The following LRP1 variants were observed in gnomAD, a reference collection of about 807,000 sequenced individuals.
The protein encoded by LRP1 is LDL receptor related protein 1, also known as prolow-density lipoprotein receptor-related protein 1.
Under a neutral mutation model 541.5 loss-of-function variants are expected in LRP1, and 51 were observed. That is an observed-to-expected ratio of 0.09 (90% confidence interval 0.08 to 0.12). The LOEUF is 0.12. LRP1 is among the 10% of genes least tolerant of loss of function. The pLI, the probability that LRP1 is intolerant of heterozygous loss-of-function variation, is 1.00. For missense variants in LRP1, 3,878 were observed against 6,376.2 expected, an observed-to-expected ratio of 0.61 and a Z score of 13.34; for synonymous variants, 2,219 against 2,470.8, an observed-to-expected ratio of 0.90 and a Z score of 3.02.
At chr12:57,174,587 C>G (rs2036006952) in intron 22 of LRP1, among the ~76,000 whole-genome samples, 1 of 152,138 alleles carries the variant, frequency 6.6e-6, no homozygotes, top group Non-Finnish European at 1.5e-5. Context: ...TCAGCCTGGC[C>G]AACATGGTGA....
chr12:57,149,669 TG>T, intron 6 of LRP1: 1 of 730,510 alleles, frequency 1.4e-6, no homozygotes, highest in Non-Finnish European at 2.5e-6. Context: ...AACCACAGGC[TG>T]GAATCACAGG....
chr12:57,173,635 T>C lies in LRP1; in HGVS notation c.3347-145T>C. The stretch of plus-strand genomic sequence containing the variant: ...TGCCTTGTTTGTTGCCTATGTGAAT[T>C]TGACCCAAAAAGCCTCGGGGTTCCT... On this transcript the variant is annotated intron_variant, in intron 21 of 88. Transcript: ENST00000243077. The surrounding 1 kb of genome is among the most constrained non-coding windows in gnomAD (Gnocchi z 4.7). The C allele has an allele frequency of 1.2e-6, 1 of 823,084 alleles. No homozygotes were observed. Among genetic ancestry groups the C allele is most frequent in the Non-Finnish European group, 1.9e-6 (1 of 516,144 alleles). The allele number at this position is 823,084 out of a possible 1,614,324, so 51.0% of individuals were successfully genotyped here. A position where few individuals can be genotyped will look rare whatever the true frequency, so the allele number is the denominator to read the frequency against.
rs555311696 is a variant in LRP1 at position 57,202,297 on chromosome 12, G to T, written c.10595-124G>T. 6 of 778,500 alleles carry T rather than the reference G, an allele frequency of 7.7e-6. No individual in the cohort carries two copies. The Middle Eastern group carries it at 1.4e-3, about 179-fold the overall frequency. The allele number at this position is 778,500 out of a possible 1,614,324, so 48.2% of individuals were successfully genotyped here. Reference sequence around the variant, plus strand: ...TCTCAAAACACCGCCTGGGCTCCCCGCGGCTGACCCTTCCCAAGCTGGGAT... The same window carrying T: ...TCTCAAAACACCGCCTGGGCTCCCCTCGGCTGACCCTTCCCAAGCTGGGAT... On this transcript the variant is annotated intron_variant, in intron 67 of 88. Coordinates refer to ENST00000243077, the MANE Select transcript of LRP1 (RefSeq NM_002332.3).
chr12:57,184,928 C>T lies in LRP1; in HGVS notation c.6276C>T (p.Ser2092=), dbSNP rs774945245. The T allele has an allele frequency of 6.2e-7, 1 of 1,614,162 alleles. No individual in the cohort carries two copies. The highest frequency in any genetic ancestry group is 1.1e-5 in the South Asian group (1 of 91,084). The change falls in exon 39 of 89, where the codon TCC becomes TCT. Residue 2092 remains serine (S), a synonymous_variant. Transcript: ENST00000243077. This position sits in a 1 kb window ranked among gnomAD's most constrained non-coding sequence, Gnocchi z 7.8. ...GTGAGAACCGCGAGGTGGTTCTGTCCAGCAACAACATGGACATGTTTTCAG... is the reference window on the plus strand; with the variant it reads ...GTGAGAACCGCGAGGTGGTTCTGTCTAGCAACAACATGGACATGTTTTCAG... ...ETGENREVVL[S]SNNMDMFSVS... is the part of the protein sequence containing the mutation.
chr12:57,145,617 C>A, intron 6 of LRP1, 127 bp downstream of exon 6: 1 of 1,241,982 alleles, frequency 8.1e-7, no homozygotes, highest in Non-Finnish European at 1.1e-6. Context: ...AAGCAGGAGG[C>A]TGGATACAAT....
intron 4 of LRP1, 115 bp from the exon 5 acceptor site, chr12:57,144,857 G>A (rs548927777): frequency 2.4e-5 from 25 of 1,059,088 alleles, no homozygotes; most frequent in South Asian, 5.4e-5. Context: ...AGATTCTGCC[G>A]AACTGTCCTT....
At chr12:57,208,364 C>A (rs1039306326) in intron 77 of LRP1, 148 bp downstream of exon 77, 3 of 859,306 alleles carry the variant, frequency 3.5e-6, no homozygotes, top group Non-Finnish European at 5.3e-6. Flanking sequence ...TTCTCGGCCA[C>A]CCCTGCCTGG....
chr12:57,144,254 T>C (rs1399715076), intron 4 of LRP1, among the ~76,000 whole-genome samples: 1 of 152,190 alleles, frequency 6.6e-6, no homozygotes, highest in East Asian at 1.9e-4. Context: ...AATAGTATAC[T>C]GTGTATATTA....
At position 57,206,486 on chromosome 12, in the gene LRP1, G is replaced by A; in HGVS notation, c.11604G>A (p.Gln3868=). Residue 3868 remains glutamine, a synonymous_variant, in exon 76 of 89, where the codon CAG becomes CAA. Transcript: ENST00000243077. This position sits in a 1 kb window ranked among gnomAD's most constrained non-coding sequence, Gnocchi z 4.7. ...NTCKAEGSEY[Q]VLYIADDNEI... is the part of the protein sequence containing the mutation. ...TTGCTTCTCCAGGCTCTGAGTACCA[G>A]GTCCTGTACATCGCTGATGACAATG... 1 of 1,614,070 alleles carries A rather than the reference G, an allele frequency of 6.2e-7. No individual in the cohort carries two copies. The highest frequency in any genetic ancestry group is 8.5e-7 in the Non-Finnish European group (1 of 1,180,036).
chr12:57,157,262 T>C (rs1019332562), intron 10 of LRP1, among the ~76,000 whole-genome samples: 2 of 152,136 alleles, frequency 1.3e-5, no homozygotes, highest in East Asian at 1.9e-4. Flanking sequence ...TATAGTCTAG[T>C]TGGGGAAACA....
chr12:57,206,707 G>A lies in LRP1; in HGVS notation c.11825G>A (p.Arg3942Gln), dbSNP rs374055263. ...AAPPTTSNRH[R>Q]RQIDRGVTHL... ...CCTCCTACCACTTCCAACCGCCACC[G>A]GCGACAGATTGACCGGGGTGTCACC... Residue 3942 changes from arginine to glutamine, a missense_variant, in exon 76 of 89, where the codon CGG (arginine) becomes CAG (glutamine). Around this residue, in one of 13 missense-constraint regions of LRP1, gnomAD observed 871 missense variants for 1,212.4 expected, o/e 0.72. Coordinates refer to ENST00000243077, the MANE Select transcript of LRP1 (RefSeq NM_002332.3). The surrounding 1 kb of genome is among the most constrained non-coding windows in gnomAD (Gnocchi z 4.7). 14 of 1,613,324 alleles carry A rather than the reference G, an allele frequency of 8.7e-6. No homozygotes were observed. The highest frequency in any genetic ancestry group is 1.3e-5 in the African/African-American group (1 of 75,058).
At position 57,158,688 on chromosome 12, in the gene LRP1, C is replaced by T; in HGVS notation, c.1798+50C>T. On this transcript the variant is annotated intron_variant, in intron 11 of 88. Coordinates refer to ENST00000243077, the MANE Select transcript of LRP1 (RefSeq NM_002332.3). The surrounding 1 kb of genome is among the most constrained non-coding windows in gnomAD (Gnocchi z 5.3). Reference sequence around the variant, plus strand: ...CATGGGGATGGAAGGGGGCTGGGGCCCAGGCATCTGTTTCTCGGTGCCCTC... The same window carrying T: ...CATGGGGATGGAAGGGGGCTGGGGCTCAGGCATCTGTTTCTCGGTGCCCTC... 6.5e-7 allele frequency: 1 copy of T among 1,547,666 alleles called. No individual in the cohort carries two copies. Among genetic ancestry groups the T allele is most frequent in the Non-Finnish European group, 8.9e-7 (1 of 1,123,028 alleles).
intron 6 of LRP1, chr12:57,149,880 C>T: frequency 1.5e-6 from 1 of 646,934 alleles, no homozygotes; most frequent in Non-Finnish European, 2.8e-6. Context: ...CGCCATCTCT[C>T]CCAGGCCCAG....
At chr12:57,196,622 G>A (rs2036538781) in intron 55 of LRP1, among the ~76,000 whole-genome samples, 1 of 152,150 alleles carries the variant, frequency 6.6e-6, no homozygotes, top group Non-Finnish European at 1.5e-5. Flanking sequence ...GATTCCCAAG[G>A]GAGCAGTGTA....
Position 57,183,581 on chromosome 12 carries a change from G to A in LRP1, c.5794+71G>A. 1.3e-6 allele frequency: 2 copies of A among 1,549,780 alleles called. No homozygotes were observed. The highest frequency in any genetic ancestry group is 2.3e-5 in the East Asian group (1 of 42,658). ...TTAGGGGTGGTGTGGTGTGCCCTGAGGGTCCAGTGAGAGGCTGCCTGAATT... is the reference window on the plus strand; with the variant it reads ...TTAGGGGTGGTGTGGTGTGCCCTGAAGGTCCAGTGAGAGGCTGCCTGAATT... On this transcript the variant is annotated intron_variant, in intron 35 of 88. Coordinates refer to ENST00000243077, the MANE Select transcript of LRP1 (RefSeq NM_002332.3). This position sits in a 1 kb window ranked among gnomAD's most constrained non-coding sequence, Gnocchi z 6.1.
rs1480946709 is a variant in LRP1 at position 57,154,264 on chromosome 12, A to G, written c.898A>G (p.Ile300Val). 5 of 1,614,124 alleles carry G rather than the reference A, an allele frequency of 3.1e-6. No individual in the cohort carries two copies. The highest frequency in any genetic ancestry group is 3.4e-6 in the Non-Finnish European group (4 of 1,180,050). The stretch of plus-strand genomic sequence containing the variant: ...AGGCAACTTCTACTTTGTGGATGAC[A>G]TCGATGATAGGATCTTTGTCTGCAA... Reference protein sequence around the residue: ...LTGNFYFVDDIDDRIFVCNRN... With the variant: ...LTGNFYFVDDVDDRIFVCNRN... The change falls in exon 7 of 89, where the codon ATC becomes GTC. Residue 300 changes from isoleucine to valine, a missense_variant. Physicochemically the swap from Ile to Val is conservative, Grantham distance 29. Around this residue, in one of 13 missense-constraint regions of LRP1, gnomAD observed 293 missense variants for 403.7 expected, o/e 0.73. Coordinates refer to ENST00000243077, the MANE Select transcript of LRP1 (RefSeq NM_002332.3). The surrounding 1 kb of genome is among the most constrained non-coding windows in gnomAD (Gnocchi z 4.6).
chr12:57,177,570 G>A lies in LRP1; in HGVS notation c.4340G>A (p.Arg1447His), dbSNP rs766956828. 1 of 1,613,836 alleles carries A rather than the reference G, an allele frequency of 6.2e-7. No homozygotes were observed. ...NGLTVDYLEKRILWIDARSDA... is the reference protein window; with the variant it reads ...NGLTVDYLEKHILWIDARSDA... ...CTCACCGTGGACTACCTGGAGAAGC[G>A]CATCCTTTGGATTGACGCCAGGTCA... Residue 1447 changes from arginine (R) to histidine (H), a missense_variant, in exon 26 of 89, where the codon CGC (arginine) becomes CAC (histidine). Arg to His is a conservative substitution (Grantham distance 29). Around this residue, in one of 13 missense-constraint regions of LRP1, gnomAD observed 54 missense variants for 167.7 expected, o/e 0.32. Transcript: ENST00000243077. The surrounding 1 kb of genome is among the most constrained non-coding windows in gnomAD (Gnocchi z 6.8).
rs978308344 is a variant in LRP1 at position 57,194,354 on chromosome 12, G to A, written c.7919G>A (p.Ser2640Asn). Residue 2640 changes from serine to asparagine, a missense_variant and splice_region_variant, in exon 49 of 89, where the codon AGT becomes AAT. This residue lies in a region of LRP1 where 1,100 missense variants were observed against 1,827.4 expected (regional missense o/e 0.60). Transcript: ENST00000243077. ...CEDASDEMNC[S>N]ATDCSSYFRL... is the part of the protein sequence containing the mutation. Reference sequence around the variant, plus strand: ...TCACCCTCACCCCTGCCCCCACCAGGTGCCACCGACTGCAGCAGCTACTTC... The same window carrying A: ...TCACCCTCACCCCTGCCCCCACCAGATGCCACCGACTGCAGCAGCTACTTC... 1.3e-6 allele frequency: 2 copies of A among 1,509,526 alleles called. No homozygotes were observed. Among genetic ancestry groups the A allele is most frequent in the African/African-American group, 1.4e-5 (1 of 71,400 alleles). 93.5% of individuals were successfully genotyped at this position (1,509,526 alleles called of 1,614,324 possible).
chr12:57,155,172 G>T (rs1028859681), intron 8 of LRP1: 38 of 250,210 alleles, frequency 1.5e-4, no homozygotes, highest in African/African-American at 7.6e-4. Flanking sequence ...CCCAGTTTTA[G>T]CCCTGAAAGT....
Sources: gnomAD v4.1 joint callset for allele counts (sites outside exome capture counted in the v4.1 genomes callset) on GRCh38, gnomAD v4.1.1 for gene constraint, gnomAD v4.1.1 regional missense constraint, Gnocchi (gnomAD v3.1) non-coding constraint, MANE v1.5 for transcripts, NCBI Gene and HGNC (gene_info 2026-07-23, HGNC 2026-07-21) for gene names.